KCNT2: variants seen among roughly 807,000 people sequenced by gnomAD.
The protein encoded by KCNT2 is potassium channel subfamily T member 2.
KCNT2 carries 67 observed loss-of-function variants against 153.8 expected under a neutral mutation model. The ratio of observed to expected loss-of-function variants is 0.44; its 90% CI spans 0.36 to 0.53. The LOEUF is 0.53. Among genes scored for constraint, KCNT2 ranks in the 20% least tolerant of loss-of-function variants. The probability of loss-of-function intolerance (pLI) is 0.00; values close to 1 mark genes in which losing one functional copy is unlikely to be tolerated. For missense variants in KCNT2, 975 were observed against 1,354.8 expected (o/e 0.72, Z 4.40); for synonymous variants, 500 against 458.8 (o/e 1.09, Z -1.15).
At chr1:196,379,558 T>G (rs1471036776) in intron 13 of KCNT2, among the ~76,000 whole-genome samples, 2 of 138,586 alleles carry the variant, frequency 1.4e-5, no homozygotes, top group African/African-American at 5.6e-5. Context: ...GGTAATACAG[T>G]GAGACTTTCT....
intron 12 of KCNT2, among the ~76,000 whole-genome samples, chr1:196,417,812 C>A (rs1176895129): frequency 6.6e-6 from 1 of 152,036 alleles, no homozygotes; most frequent in East Asian, 1.9e-4. Flanking sequence ...AGGGTATAAC[C>A]TATTGATCTT....
intron 25 of KCNT2, among the ~76,000 whole-genome samples, chr1:196,275,446 C>A (rs951816633): frequency 7.3e-5 from 11 of 151,604 alleles, no homozygotes; most frequent in Non-Finnish European, 1.5e-5. Flanking sequence ...TAATCTACAT[C>A]ACACCAGAAA....
intron 8 of KCNT2, among the ~76,000 whole-genome samples, chr1:196,453,932 T>A (rs1676434956): frequency 6.6e-6 from 1 of 152,136 alleles, no homozygotes; most frequent in African/African-American, 2.4e-5. Context: ...AGTTTCTCAA[T>A]AAATATTGAT....
chr1:196,336,574 A>C (rs1373169866), intron 16 of KCNT2, among the ~76,000 whole-genome samples: 2 of 152,074 alleles, frequency 1.3e-5, no homozygotes, highest in East Asian at 3.9e-4. Context: ...TCCGTTTTGC[A>C]GTCAGACGTT....
chr1:196,522,274 G>A (rs1307137632), intron 1 of KCNT2, among the ~76,000 whole-genome samples: 1 of 152,056 alleles, frequency 6.6e-6, no homozygotes, highest in Non-Finnish European at 1.5e-5. Flanking sequence ...TTTAGTTTAG[G>A]TGTCCATAAA....
intron 14 of KCNT2, among the ~76,000 whole-genome samples, chr1:196,371,078 T>C (rs1668487022): frequency 6.6e-6 from 1 of 151,850 alleles, no homozygotes; most frequent in Non-Finnish European, 1.5e-5. Flanking sequence ...TTTACTGTAT[T>C]ACCAAATATA....
intron 8 of KCNT2, among the ~76,000 whole-genome samples, chr1:196,439,889 G>A (rs1046704427): frequency 4.0e-5 from 6 of 151,826 alleles, no homozygotes; most frequent in Admixed American, 2.6e-4. Flanking sequence ...AGGCCTGTCG[G>A]TGGGTGTGGG....
At chr1:196,509,333 G>A (rs985834577) in intron 1 of KCNT2, among the ~76,000 whole-genome samples, 6 of 149,240 alleles carry the variant, frequency 4.0e-5, no homozygotes, top group South Asian at 2.1e-4. Flanking sequence ...TGAAACAGAC[G>A]AAGCTTAAAT....
intron 8 of KCNT2, among the ~76,000 whole-genome samples, chr1:196,443,993 T>A (rs554637891): frequency 6.0e-5 from 9 of 150,700 alleles, no homozygotes; most frequent in Non-Finnish European, 1.0e-4. Flanking sequence ...AAAAGAAAAA[T>A]ATAAGAAGAA....
chr1:196,457,433 A>G (rs1007431019), intron 8 of KCNT2, among the ~76,000 whole-genome samples: 2 of 151,506 alleles, frequency 1.3e-5, no homozygotes, highest in Non-Finnish European at 2.9e-5. Flanking sequence ...ATTAATGAAA[A>G]AGGCATAATA....
At chr1:196,532,259 C>T (rs916361642) in intron 1 of KCNT2, among the ~76,000 whole-genome samples, 2 of 151,870 alleles carry the variant, frequency 1.3e-5, no homozygotes, top group Non-Finnish European at 2.9e-5. Flanking sequence ...CTGAATAGTT[C>T]GTAAACACCA....
intron 22 of KCNT2, among the ~76,000 whole-genome samples, chr1:196,297,112 CTCTCTT>C (rs957593821): frequency 3.9e-4 from 59 of 151,560 alleles, no homozygotes; most frequent in Middle Eastern, 3.4e-3. Context: ...TGCAATCTCT[CTCTCTT>C]TCTCTCTCTT....
At chr1:196,397,907 A>C (rs1243281371) in intron 13 of KCNT2, among the ~76,000 whole-genome samples, 1 of 151,484 alleles carries the variant, frequency 6.6e-6, no homozygotes, top group Non-Finnish European at 1.5e-5. Flanking sequence ...GAAAACGTGC[A>C]CTTGAATTAC....
chr1:196,398,773 A>C, intron 12 of KCNT2, 102 bp from the exon 13 acceptor site: 1 of 579,700 alleles, frequency 1.7e-6, no homozygotes, highest in East Asian at 3.0e-5. Context: ...CCATAGTTAA[A>C]ACTTAAACAT....
intron 15 of KCNT2, among the ~76,000 whole-genome samples, chr1:196,341,459 A>T (rs1267631157): frequency 1.3e-5 from 2 of 152,064 alleles, no homozygotes; most frequent in Non-Finnish European, 2.9e-5. Flanking sequence ...GTTCCTGTAC[A>T]TTACATAATA....
chr1:196,275,125 C>T (rs1430066171), intron 25 of KCNT2, among the ~76,000 whole-genome samples: 3 of 151,838 alleles, frequency 2.0e-5, no homozygotes, highest in East Asian at 1.9e-4. Flanking sequence ...CTTCAGGGAG[C>T]CTTTTGACAT....
At chr1:196,335,448 A>G (rs1388951593) in intron 16 of KCNT2, among the ~76,000 whole-genome samples, 4 of 152,132 alleles carry the variant, frequency 2.6e-5, no homozygotes, top group Non-Finnish European at 4.4e-5. Flanking sequence ...CTAGACTACA[A>G]ATCTGTACAG....
intron 13 of KCNT2, among the ~76,000 whole-genome samples, chr1:196,391,060 C>A (rs1430040939): frequency 6.6e-6 from 1 of 150,984 alleles, no homozygotes; most frequent in Non-Finnish European, 1.5e-5. Flanking sequence ...TAGAGCATAA[C>A]TGGAATAATT....
intron 8 of KCNT2, among the ~76,000 whole-genome samples, chr1:196,447,938 G>A (rs530017591): frequency 1.0e-4 from 15 of 150,742 alleles, no homozygotes; most frequent in African/African-American, 3.6e-4. Flanking sequence ...CTTACCAAAG[G>A]TCTGGAAAGA....
Sources: allele counts gnomAD v4.1 joint callset (sites outside exome capture counted in the v4.1 genomes callset), GRCh38; gene constraint gnomAD v4.1.1; transcripts MANE v1.5; gene names NCBI Gene and HGNC (gene_info 2026-07-23, HGNC 2026-07-21).